The following ERP44 variants were observed in gnomAD, a reference collection of about 807,000 sequenced individuals.
ERP44 encodes endoplasmic reticulum protein 44.
Under a neutral mutation model 53.4 loss-of-function variants are expected in ERP44, and 25 were observed. The ratio of observed to expected loss-of-function variants is 0.47; its 90% CI spans 0.34 to 0.65. The LOEUF is 0.65. Ranked by LOEUF, ERP44 falls within the 30% of genes least tolerant of loss-of-function variation. The pLI is 0.01. For synonymous variants in ERP44, 145 were observed against 161.2 expected (o/e 0.90, Z 0.76); for missense variants, 338 against 493.2 (o/e 0.69, Z 2.98).
chr9:100,089,931 G>A (rs757006655), intron 1 of ERP44, among the ~76,000 whole-genome samples: 2 of 152,136 alleles, frequency 1.3e-5, no homozygotes, highest in Non-Finnish European at 2.9e-5. Flanking sequence ...GGGGACTACT[G>A]TAACTCTAAA....
intron 8 of ERP44, among the ~76,000 whole-genome samples, chr9:100,012,998 A>G (rs1830490555): frequency 6.6e-6 from 1 of 152,140 alleles, no homozygotes; most frequent in Non-Finnish European, 1.5e-5. Flanking sequence ...TACCCCAAGA[A>G]TGCATTCTCA....
chr9:100,002,634 G>C (rs974170517), intron 10 of ERP44, among the ~76,000 whole-genome samples: 7 of 152,198 alleles, frequency 4.6e-5, no homozygotes, highest in Admixed American at 3.3e-4. Context: ...GCTGCTAGCT[G>C]TACTGGAACT....
intron 8 of ERP44, among the ~76,000 whole-genome samples, chr9:100,012,468 C>A (rs1243299384): frequency 6.6e-6 from 1 of 152,104 alleles, no homozygotes; most frequent in African/African-American, 2.4e-5. Context: ...AATCCTCTTT[C>A]TATGAAACAC....
chr9:100,093,023 T>C (rs1180114905), intron 1 of ERP44, among the ~76,000 whole-genome samples: 1 of 152,210 alleles, frequency 6.6e-6, no homozygotes, highest in African/African-American at 2.4e-5. Context: ...TATCTGAACA[T>C]TTGCAGAGAA....
At chr9:100,072,781 G>A (rs1410573643) in intron 1 of ERP44, among the ~76,000 whole-genome samples, 2 of 151,988 alleles carry the variant, frequency 1.3e-5, no homozygotes, top group African/African-American at 2.4e-5. Flanking sequence ...TCTGCCTCTC[G>A]AAGTGCTGGG....
chr9:100,066,032 A>G (rs77164064), intron 1 of ERP44, among the ~76,000 whole-genome samples: 2,391 of 152,346 alleles, frequency 0.016, 53 homozygotes, highest in African/African-American at 0.054. Context: ...TGAGAAATAG[A>G]GAATACTAGG....
At position 100,052,402 on chromosome 9, in the gene ERP44, T is replaced by C. The variant is rs751297817; in HGVS notation, c.286+15A>G. On this transcript the variant is annotated intron_variant, in intron 4 of 11. Transcript: ENST00000262455. ...ATGGGACAGTCTCTTCTAGACTTCC[T>C]ATTGAGGTACTTACAGTGCTGATCA... The C allele has an allele frequency of 8.9e-6, 13 of 1,463,394 alleles. No individual in the cohort carries two copies. The highest frequency in any genetic ancestry group is 1.2e-5 in the Non-Finnish European group (13 of 1,048,640). 90.7% of individuals were successfully genotyped at this position (1,463,394 alleles called of 1,614,324 possible).
intron 11 of ERP44, among the ~76,000 whole-genome samples, chr9:99,984,545 A>G (rs1287428243): frequency 6.6e-6 from 1 of 152,208 alleles, no homozygotes; most frequent in Non-Finnish European, 1.5e-5. Context: ...GGCTCTTAGA[A>G]TGATTTAGCA....
chr9:99,982,793 T>C (rs914517664), intron 11 of ERP44, 80 bp from the exon 12 acceptor site: 3 of 712,832 alleles, frequency 4.2e-6, no homozygotes, highest in African/African-American at 1.8e-5. Flanking sequence ...ATTCGATGAA[T>C]AGTAGTTCCC....
intron 10 of ERP44, chr9:99,998,283 G>C (rs7029048): frequency 0.65 from 240,388 of 369,428 alleles, 81,211 homozygotes; most frequent in East Asian, 0.93. Flanking sequence ...TCCACGGAGG[G>C]CTGGTGCACG....
At chr9:100,067,344 C>T (rs1327918366) in intron 1 of ERP44, among the ~76,000 whole-genome samples, 1 of 150,914 alleles carries the variant, frequency 6.6e-6, no homozygotes, top group African/African-American at 2.5e-5. Context: ...GCGCGCGCCG[C>T]CGCGCCTGAC....
intron 1 of ERP44, among the ~76,000 whole-genome samples, chr9:100,083,857 G>A (rs916953384): frequency 2.6e-5 from 4 of 152,126 alleles, no homozygotes; most frequent in East Asian, 1.9e-4. Context: ...GCAATAGGAC[G>A]GGAGAAAAGC....
At position 100,005,246 on chromosome 9, in the gene ERP44, G is replaced by A. The variant is rs71503728; in HGVS notation, c.1016+1260C>T. Among the ~76,000 whole-genome samples, 1,456 of 152,166 alleles carry A rather than the reference G, an allele frequency of 9.6e-3. 14 individuals are homozygous for A. Among genetic ancestry groups the A allele is most frequent in the African/African-American group, 0.012 (480 of 41,524 alleles). The stretch of plus-strand genomic sequence containing the variant: ...TATACCTACCTTCGGCATCAATATC[G>A]CCAGAAATCCTGGATCAGGTACTAC... On this transcript the variant is annotated intron_variant, in intron 10 of 11. Transcript: ENST00000262455.
chr9:100,067,390 G>A (rs1159086859), intron 1 of ERP44, among the ~76,000 whole-genome samples: 5 of 152,196 alleles, frequency 3.3e-5, no homozygotes, highest in Non-Finnish European at 5.9e-5. Flanking sequence ...ACGGGGTTTC[G>A]CTGTGTTGGC....
At chr9:100,097,718 A>C (rs1826659509) in intron 1 of ERP44, among the ~76,000 whole-genome samples, 1 of 152,252 alleles carries the variant, frequency 6.6e-6, no homozygotes, top group African/African-American at 2.4e-5. Flanking sequence ...AAGAAAAGAA[A>C]GAACTATTTC....
At chr9:100,031,179 T>C (rs187076278) in intron 4 of ERP44, among the ~76,000 whole-genome samples, 1 of 107,702 alleles carries the variant, frequency 9.3e-6, no homozygotes, top group East Asian at 3.8e-4. Flanking sequence ...CAGACTTTGC[T>C]GCAAGTACCT....
At chr9:99,996,621 C>G (rs192017712) in intron 10 of ERP44, among the ~76,000 whole-genome samples, 59 of 152,112 alleles carry the variant, frequency 3.9e-4, no homozygotes, top group Non-Finnish European at 7.8e-4. Flanking sequence ...GATTTTGGTG[C>G]ACCCATCACC....
Position 100,052,532 on chromosome 9 carries a change from C to T in ERP44, c.171G>A (p.Trp57Ter). The T allele has an allele frequency of 6.4e-7, 1 of 1,564,784 alleles. No homozygotes were observed. Among genetic ancestry groups the T allele is most frequent in the Non-Finnish European group, 8.7e-7 (1 of 1,143,618 alleles). ...DVALVNFYADWCRFSQMLHPI... is the reference protein window; with the variant it reads ...DVALVNFYAD ...GATGCAACATCTGACTGAAACGACA[C>T]CTATACACAGAGAAGGATGCCAATT... is the stretch of plus-strand genomic sequence containing the variant. Residue 57 changes from tryptophan (W) to a stop codon, truncating the protein, a stop_gained and splice_region_variant, in exon 4 of 12, where the codon TGG (tryptophan) becomes TGA (stop). Coordinates refer to ENST00000262455, the MANE Select transcript of ERP44 (RefSeq NM_015051.3). LOFTEE classifies it high-confidence loss of function.
intron 4 of ERP44, among the ~76,000 whole-genome samples, chr9:100,049,964 A>G (rs1250023066): frequency 6.6e-6 from 1 of 152,124 alleles, no homozygotes; most frequent in Non-Finnish European, 1.5e-5. Flanking sequence ...ATAGCCACAC[A>G]ATAGAATGCC....
Sources: allele counts gnomAD v4.1 joint callset (sites outside exome capture counted in the v4.1 genomes callset), GRCh38; gene constraint gnomAD v4.1.1; transcripts MANE v1.5; gene names NCBI Gene and HGNC (gene_info 2026-07-23, HGNC 2026-07-21).